The following CAMTA1 variants were observed in gnomAD, a reference collection of about 807,000 sequenced individuals.
CAMTA1 encodes calmodulin binding transcription activator 1.
CAMTA1 carries 27 observed loss-of-function variants against 170.9 expected under a neutral mutation model. The ratio of observed to expected loss-of-function variants is 0.16; its 90% CI spans 0.12 to 0.22. The LOEUF is 0.22. Ranked by LOEUF, CAMTA1 falls within the 10% of genes least tolerant of loss-of-function variation. The pLI is 1.00. For missense variants in CAMTA1, 1,619 were observed against 2,217.2 expected, an observed-to-expected ratio of 0.73 and a Z score of 5.42; for synonymous variants, 833 against 891.5, an observed-to-expected ratio of 0.93 and a Z score of 1.17.
chr1:7,161,061 C>T (rs115499492), intron 4 of CAMTA1, among the ~76,000 whole-genome samples: 4,062 of 152,242 alleles, frequency 0.027, 98 homozygotes, highest in Non-Finnish European at 0.038. Context: ...CTCTCTTGCC[C>T]TCCTCTACTT....
chr1:6,954,058 C>T (rs1408678615), intron 3 of CAMTA1, among the ~76,000 whole-genome samples: 1 of 152,222 alleles, frequency 6.6e-6, no homozygotes, highest in African/African-American at 2.4e-5. Flanking sequence ...GAACCCTGAC[C>T]TCCACCATCA....
intron 3 of CAMTA1, among the ~76,000 whole-genome samples, chr1:6,940,676 G>A (rs1465318322): frequency 6.6e-6 from 1 of 152,104 alleles, no homozygotes; most frequent in Non-Finnish European, 1.5e-5. Context: ...AGGGTCCAGA[G>A]GAGTGACACT....
intron 4 of CAMTA1, among the ~76,000 whole-genome samples, chr1:7,236,071 G>C (rs1460715125): frequency 6.6e-6 from 1 of 152,172 alleles, no homozygotes; most frequent in East Asian, 1.9e-4. Context: ...GGGGTGTGGG[G>C]GAGGACACGG....
intron 1 of CAMTA1, among the ~76,000 whole-genome samples, chr1:6,819,921 T>C (rs1646293706): frequency 6.6e-6 from 1 of 152,250 alleles, no homozygotes; most frequent in Non-Finnish European, 1.5e-5. Context: ...GAAAAATATC[T>C]AATCAGAACC....
intron 5 of CAMTA1, among the ~76,000 whole-genome samples, chr1:7,252,997 A>T (rs1017966215): frequency 1.3e-5 from 2 of 152,108 alleles, no homozygotes; most frequent in African/African-American, 4.8e-5. Context: ...TTTGAAGCTG[A>T]CGAGCTGTTA....
intron 3 of CAMTA1, among the ~76,000 whole-genome samples, chr1:7,017,866 C>T (rs1700777178): frequency 6.6e-6 from 1 of 152,178 alleles, no homozygotes; most frequent in South Asian, 2.1e-4. Flanking sequence ...GCTATTTCTC[C>T]AAAATGCGTT....
rs2093128461 is a variant in CAMTA1 at position 7,463,048 on chromosome 1, T to A, written c.439-4782T>A. ...AGCACAGGGAGGTTGTCCTGGTGAA[T>A]GGCACTGTGTGCGGCAGAGCCTATA... is the stretch of plus-strand genomic sequence containing the variant. On this transcript the variant is annotated intron_variant, in intron 5 of 22. Coordinates refer to ENST00000303635, the MANE Select transcript of CAMTA1 (RefSeq NM_015215.4). This position sits in a 1 kb window ranked among gnomAD's most constrained non-coding sequence, Gnocchi z 4.7. 6.6e-6 allele frequency among the ~76,000 whole-genome samples: 1 copy of A among 152,200 alleles called. No individual in the cohort carries two copies. Among genetic ancestry groups the A allele is most frequent in the East Asian group, 1.9e-4 (1 of 5,190 alleles).
At chr1:7,320,383 C>T (rs1244295467) in intron 5 of CAMTA1, among the ~76,000 whole-genome samples, 3 of 152,180 alleles carry the variant, frequency 2.0e-5, no homozygotes, top group Non-Finnish European at 4.4e-5. Context: ...GAAGAGATCA[C>T]AGTCATCGAA....
chr1:6,927,589 T>C lies in CAMTA1; in HGVS notation c.234+102379T>C, dbSNP rs569948459. Among the ~76,000 whole-genome samples, 13 of 152,356 alleles carry C rather than the reference T, an allele frequency of 8.5e-5. No homozygotes were observed. The East Asian group carries it at 2.5e-3, about 29-fold the overall frequency. On this transcript the variant is annotated intron_variant, in intron 3 of 22. Transcript: ENST00000303635. ...GACACCAGTGCCCTCATTTCCTGTT[T>C]CATATTGATTTTTGTGAGGTACTCA...
intron 5 of CAMTA1, among the ~76,000 whole-genome samples, chr1:7,272,712 A>AAAAAAAAAAAG (rs1670017608): frequency 3.0e-4 from 33 of 109,790 alleles, no homozygotes; most frequent in Non-Finnish European, 5.3e-4. Context: ...AAAAAAAAAA[A>AAAAAAAAAAAG]AAAAGAAAAG....
intron 4 of CAMTA1, among the ~76,000 whole-genome samples, chr1:7,201,061 C>A (rs1290935972): frequency 2.0e-5 from 3 of 152,188 alleles, no homozygotes; most frequent in Non-Finnish European, 4.4e-5. Context: ...CATCCACACT[C>A]CCCACCGCCA....
At chr1:7,148,824 C>G (rs570536098) in intron 4 of CAMTA1, among the ~76,000 whole-genome samples, 1 of 152,386 alleles carries the variant, frequency 6.6e-6, no homozygotes, top group African/African-American at 2.4e-5. Flanking sequence ...CAACATTACT[C>G]TCTGGCCTGC....
At chr1:6,998,881 T>G (rs754924262) in intron 3 of CAMTA1, among the ~76,000 whole-genome samples, 1 of 152,244 alleles carries the variant, frequency 6.6e-6, no homozygotes, top group African/African-American at 2.4e-5. Context: ...TATTTAAATA[T>G]TCATTTATTC....
At chr1:7,078,412 G>A (rs1168001463) in intron 3 of CAMTA1, among the ~76,000 whole-genome samples, 2 of 152,156 alleles carry the variant, frequency 1.3e-5, no homozygotes, top group Non-Finnish European at 2.9e-5. Flanking sequence ...TCGGTATTGA[G>A]TCGTCTTCAG....
rs60894262 is a variant in CAMTA1 at position 7,502,429 on chromosome 1, C to T, written c.510+34528C>T. 3.1e-3 allele frequency among the ~76,000 whole-genome samples: 477 copies of T among 152,272 alleles called. 3 individuals carry two copies. The highest frequency in any genetic ancestry group is 0.01 in the South Asian group (50 of 4,828). On this transcript the variant is annotated intron_variant, in intron 6 of 22. Coordinates refer to ENST00000303635, the MANE Select transcript of CAMTA1 (RefSeq NM_015215.4). ...CATTCAATAAAAATTTGATGGGCTC[C>T]GGCAGCTCAGCAGAATCTCCTTACG... is the stretch of plus-strand genomic sequence containing the variant.
At position 7,562,718 on chromosome 1, in the gene CAMTA1, G is replaced by A. The variant is rs55705814; in HGVS notation, c.511-77682G>A. Among the ~76,000 whole-genome samples, 5,841 of 152,274 alleles carry A rather than the reference G, an allele frequency of 0.038. 156 individuals are homozygous for A. Among genetic ancestry groups the A allele is most frequent in the East Asian group, 0.067 (349 of 5,178 alleles). On this transcript the variant is annotated intron_variant, in intron 6 of 22. Coordinates refer to ENST00000303635, the MANE Select transcript of CAMTA1 (RefSeq NM_015215.4). The surrounding 1 kb of genome is among the most constrained non-coding windows in gnomAD (Gnocchi z 4.8). The stretch of plus-strand genomic sequence containing the variant: ...GCTGGCACGGAGATGCTGGGAGAAG[G>A]GTCTGATATTTCCCGCATCTGCCGT...
At chr1:7,421,090 C>G (rs1253607250) in intron 5 of CAMTA1, among the ~76,000 whole-genome samples, 2 of 152,172 alleles carry the variant, frequency 1.3e-5, no homozygotes, top group Non-Finnish European at 2.9e-5. Flanking sequence ...TTTCCAGCAC[C>G]CCTTGGAATA....
At chr1:6,891,038 G>C (rs1674397395) in intron 3 of CAMTA1, among the ~76,000 whole-genome samples, 1 of 152,228 alleles carries the variant, frequency 6.6e-6, no homozygotes, top group Admixed American at 6.5e-5. Flanking sequence ...AGAGAGTTGT[G>C]AGGATGATGT....
intron 3 of CAMTA1, among the ~76,000 whole-genome samples, chr1:6,893,064 G>A (rs1203027052): frequency 6.6e-6 from 1 of 151,904 alleles, no homozygotes; most frequent in African/African-American, 2.4e-5. Context: ...GGCGGATCAC[G>A]AGGTCAGGAG....
Sources: allele counts gnomAD v4.1 joint callset (sites outside exome capture counted in the v4.1 genomes callset), GRCh38; gene constraint gnomAD v4.1.1; non-coding constraint Gnocchi (gnomAD v3.1); transcripts MANE v1.5; gene names NCBI Gene and HGNC (gene_info 2026-07-23, HGNC 2026-07-21).